The following CSMD3 variants were observed in gnomAD, a reference collection of about 807,000 sequenced individuals.
CSMD3 encodes CUB and Sushi multiple domains 3.
In CSMD3, 177 loss-of-function variants were observed where a neutral mutation model predicts 435.2. The observed-to-expected ratio is 0.41, with a 90% CI of 0.36 to 0.46. CSMD3 has a LOEUF of 0.46. Among genes scored for constraint, CSMD3 ranks in the 20% least tolerant of loss-of-function variants. CSMD3 has a pLI of 0.34. For synonymous variants in CSMD3, 1,656 were observed against 1,520.5 expected (o/e 1.09, Z -2.07); for missense variants, 4,265 against 4,504.6 (o/e 0.95, Z 1.52).
At chr8:113,182,872 CTGT>C (rs71281205) in intron 3 of CSMD3, among the ~76,000 whole-genome samples, 15,477 of 136,966 alleles carry the variant, frequency 0.11, 945 homozygotes, top group Middle Eastern at 0.18. Flanking sequence ...TTTGTTGTTG[CTGT>C]TGTTGTTGTT....
At chr8:113,388,223 G>A (rs2094447450) in intron 1 of CSMD3, among the ~76,000 whole-genome samples, 1 of 151,612 alleles carries the variant, frequency 6.6e-6, no homozygotes, top group African/African-American at 2.4e-5. Context: ...GGATTAAGAT[G>A]AGGCAAGAGA....
intron 1 of CSMD3, among the ~76,000 whole-genome samples, chr8:113,336,194 G>A (rs2094073221): frequency 6.6e-6 from 1 of 150,516 alleles, no homozygotes; most frequent in Admixed American, 6.6e-5. Context: ...CCTCTATTTG[G>A]CTGTTGATCC....
intron 50 of CSMD3, among the ~76,000 whole-genome samples, chr8:112,307,004 T>C (rs1821484455): frequency 1.3e-5 from 2 of 151,918 alleles, no homozygotes; most frequent in African/African-American, 4.8e-5. Context: ...TTTTGCCCTA[T>C]TAAGTACACA....
At chr8:112,961,273 A>G (rs1480160282) in intron 7 of CSMD3, among the ~76,000 whole-genome samples, 1 of 151,988 alleles carries the variant, frequency 6.6e-6, no homozygotes, top group Admixed American at 6.6e-5. Context: ...TACACAAAAT[A>G]TATTATCTAT....
At chr8:113,164,393 T>G (rs954732269) in intron 4 of CSMD3, among the ~76,000 whole-genome samples, 10 of 150,480 alleles carry the variant, frequency 6.6e-5, no homozygotes, top group African/African-American at 2.4e-4. Context: ...AAATGGAAAT[T>G]GCCTTGGTCA....
chr8:112,303,432 C>A (rs1188669940), intron 52 of CSMD3, among the ~76,000 whole-genome samples: 3 of 151,978 alleles, frequency 2.0e-5, no homozygotes, highest in African/African-American at 7.2e-5. Context: ...TGGTGGCAGG[C>A]ACCTGCAATC....
In CSMD3 at chr8:112,580,368, G is replaced by T. The variant is rs149152419; in HGVS notation, c.3885+6698C>A. Among the ~76,000 whole-genome samples, 538 of 152,072 alleles carry T rather than the reference G, an allele frequency of 3.5e-3. 2 individuals carry two copies. The highest frequency in any genetic ancestry group is 0.012 in the African/African-American group (517 of 41,526). On this transcript the variant is annotated intron_variant, in intron 23 of 70. Coordinates refer to ENST00000297405, the MANE Select transcript of CSMD3 (RefSeq NM_198123.2). ...ACATTCCCTAGATGAGTTAAGCGGA[G>T]AACAAATTAGTTAGGTTCTGATTTA...
Position 113,045,326 on chromosome 8 carries a change from G to A in CSMD3, c.918-26147C>T, listed in dbSNP as rs538170322. ...TCCTGACACCACCCTTTCCATAATT[G>A]TACCATTTTAAAGAATTTTATTCGT... On this transcript the variant is annotated intron_variant, in intron 5 of 70. Coordinates refer to ENST00000297405, the MANE Select transcript of CSMD3 (RefSeq NM_198123.2). Among the ~76,000 whole-genome samples the A allele has an allele frequency of 5.4e-4, 80 of 148,900 alleles. 4 individuals carry two copies. The highest frequency in any genetic ancestry group is 6.4e-4 in the South Asian group (3 of 4,702).
At chr8:112,871,648 G>GA (rs545618307) in intron 10 of CSMD3, among the ~76,000 whole-genome samples, 86 of 151,830 alleles carry the variant, frequency 5.7e-4, no homozygotes, top group African/African-American at 2.0e-3. Context: ...CACACACACA[G>GA]AAAAAAAACT....
intron 19 of CSMD3, among the ~76,000 whole-genome samples, chr8:112,646,656 A>G (rs988866002): frequency 1.7e-4 from 26 of 152,190 alleles, no homozygotes; most frequent in African/African-American, 6.3e-4. Flanking sequence ...CAACTAATAT[A>G]ACAAACATTC....
rs2083666036 is a variant in CSMD3, at chr8:112,947,791, TA to T, written c.1506del (p.Phe502LeufsTer28). On this transcript the variant is annotated frameshift_variant and splice_region_variant, in exon 9 of 71. Transcript: ENST00000297405. LOFTEE classifies it high-confidence loss of function. ...GAAGTCAATATTTTAAAATATTACC[TA>T]AAATCTGATCCGATTCTCTTCCCAT... ...PENGKRIGSD[F>X]SLGSTVQFSC... 2 of 1,316,368 alleles carry T rather than the reference TA, an allele frequency of 1.5e-6. No individual in the cohort carries two copies. The highest frequency in any genetic ancestry group is 2.2e-6 in the Non-Finnish European group (2 of 911,122). The allele number at this position is 1,316,368 out of a possible 1,614,324, so 81.5% of individuals were successfully genotyped here.
chr8:112,740,275 T>C (rs995225601), intron 13 of CSMD3, among the ~76,000 whole-genome samples: 10 of 151,734 alleles, frequency 6.6e-5, no homozygotes, highest in Non-Finnish European at 1.2e-4. Context: ...TAATAAGTAG[T>C]TTTCCTTACA....
At chr8:112,674,008 T>G (rs552665086) in intron 16 of CSMD3, among the ~76,000 whole-genome samples, 6 of 152,236 alleles carry the variant, frequency 3.9e-5, no homozygotes, top group Middle Eastern at 3.4e-3. Context: ...AAGAGCATGT[T>G]AAGCAGAGCC....
chr8:112,840,713 T>C (rs1209235095), intron 11 of CSMD3, among the ~76,000 whole-genome samples: 1 of 151,718 alleles, frequency 6.6e-6, no homozygotes, highest in African/African-American at 2.4e-5. Flanking sequence ...TAAGTAAAAC[T>C]TTAATAAAAA....
chr8:112,333,800 A>G (rs1488178533), intron 45 of CSMD3, among the ~76,000 whole-genome samples: 1 of 152,140 alleles, frequency 6.6e-6, no homozygotes, highest in South Asian at 2.1e-4. Flanking sequence ...TTTATAGTTC[A>G]TCAATGAATA....
At chr8:112,984,990 A>G (rs1376640555) in intron 6 of CSMD3, among the ~76,000 whole-genome samples, 4 of 132,214 alleles carry the variant, frequency 3.0e-5, no homozygotes, top group Non-Finnish European at 4.9e-5. Context: ...TACATGATAG[A>G]TTATGATAGA....
At chr8:113,174,373 G>A (rs1487045970) in intron 3 of CSMD3, among the ~76,000 whole-genome samples, 1 of 152,024 alleles carries the variant, frequency 6.6e-6, no homozygotes, top group African/African-American at 2.4e-5. Context: ...TCATTTAAAT[G>A]AGAAAAATAC....
At chr8:113,233,883 TA>T (rs1767565604) in intron 3 of CSMD3, among the ~76,000 whole-genome samples, 1 of 152,060 alleles carries the variant, frequency 6.6e-6, no homozygotes, top group African/African-American at 2.4e-5. Context: ...CTGAGTTAGA[TA>T]AAAAGATCAG....
At position 112,234,377 on chromosome 8, in the gene CSMD3, T is replaced by C. The variant is rs1813374234; in HGVS notation, c.10728A>G (p.Ala3576=). The C allele has an allele frequency of 4.4e-6, 7 of 1,604,968 alleles. No homozygotes were observed. Among genetic ancestry groups the C allele is most frequent in the Non-Finnish European group, 6.0e-6 (7 of 1,172,092 alleles). The change falls in exon 68 of 71, where the codon GCA becomes GCG. Residue 3576 remains alanine, a synonymous_variant. Transcript: ENST00000297405. The stretch of plus-strand genomic sequence containing the variant: ...TAACTATACTTACAAAGCCATCCAT[T>C]GCCCAATTTTCTTCCTTCATTTTCT... The part of the protein sequence containing the change: ...SVKKMKEENW[A]MDGFVSAEPD...
Sources: gnomAD v4.1 joint callset for allele counts (sites outside exome capture counted in the v4.1 genomes callset) on GRCh38, gnomAD v4.1.1 for gene constraint, MANE v1.5 for transcripts, NCBI Gene and HGNC (gene_info 2026-07-23, HGNC 2026-07-21) for gene names.